CCDC138: variants seen among roughly 807,000 people sequenced by gnomAD.
CCDC138 encodes the protein coiled-coil domain containing 138, also known as coiled-coil domain-containing protein 138.
Under a neutral mutation model 82.3 loss-of-function variants are expected in CCDC138, and 66 were observed. The ratio of observed to expected loss-of-function variants is 0.80; its 90% CI spans 0.66 to 0.98. The LOEUF (loss-of-function observed/expected upper bound fraction) is 0.98, where lower values mean the gene tolerates loss of function less well. Ranked by LOEUF, CCDC138 falls within the 50% of genes least tolerant of loss-of-function variation. The probability of loss-of-function intolerance (pLI) is 0.00; values close to 1 mark genes in which losing one functional copy is unlikely to be tolerated. For missense variants in CCDC138, 816 were observed against 758.9 expected (o/e 1.08, Z -0.88); for synonymous variants, 297 against 265.4 (o/e 1.12, Z -1.16).
At chr2:108,879,818 A>G (rs1484621853), downstream of CCDC138, among the ~76,000 whole-genome samples, 2 of 152,142 alleles carry the variant, frequency 1.3e-5, no homozygotes, top group Non-Finnish European at 2.9e-5. Flanking sequence ...TTTTACCCAT[A>G]TTAGAGTTGT....
chr2:108,812,209 C>T (rs1683977155), intron 7 of CCDC138, among the ~76,000 whole-genome samples: 1 of 151,756 alleles, frequency 6.6e-6, no homozygotes, highest in Admixed American at 6.6e-5. Flanking sequence ...TCAGTTCTTC[C>T]ATATATATAT....
Position 108,846,790 on chromosome 2 carries a change from G to A in CCDC138, c.1376G>A (p.Gly459Glu), listed in dbSNP as rs1690565813. The A allele has an allele frequency of 6.2e-7, 1 of 1,612,536 alleles. No individual in the cohort carries two copies. The highest frequency in any genetic ancestry group is 8.5e-7 in the Non-Finnish European group (1 of 1,178,822). ...AGATTGGGTGAAGACATTTTTAAAGGAGTGGTAACTAAAGGAATTCAGGAT... is the reference window on the plus strand; with the variant it reads ...AGATTGGGTGAAGACATTTTTAAAGAAGTGGTAACTAAAGGAATTCAGGAT... ...LRRLGEDIFK[G>E]VVTKGIQDNS... is the part of the protein sequence containing the mutation. The change falls in exon 12 of 15, where the codon GGA becomes GAA. Residue 459 changes from glycine (G) to glutamate (E), a missense_variant. Coordinates refer to ENST00000295124, the MANE Select transcript of CCDC138 (RefSeq NM_144978.3).
intron 10 of CCDC138, among the ~76,000 whole-genome samples, chr2:108,818,289 A>G (rs904665448): frequency 1.3e-5 from 2 of 152,216 alleles, no homozygotes; most frequent in Non-Finnish European, 2.9e-5. Flanking sequence ...CCTGGGCAAC[A>G]GAGTGAGACC....
chr2:108,881,415 A>G (rs1219212088), downstream of CCDC138, among the ~76,000 whole-genome samples: 8 of 152,336 alleles, frequency 5.3e-5, no homozygotes, highest in East Asian at 1.5e-3. Context: ...TATCAAGACC[A>G]CTAAAACTTT....
chr2:108,848,488 A>T (rs13407967), intron 12 of CCDC138, among the ~76,000 whole-genome samples: 2,813 of 152,328 alleles, frequency 0.018, 99 homozygotes, highest in African/African-American at 0.065. Flanking sequence ...GAATAGGTTG[A>T]TGAAGATTAT....
At chr2:108,794,787 A>G (rs1303179690) in intron 5 of CCDC138, 66 bp downstream of exon 5, 3 of 1,106,112 alleles carry the variant, frequency 2.7e-6, no homozygotes, top group Non-Finnish European at 3.7e-6. Context: ...GCATTTACGA[A>G]ATTTGAATAT....
intron 12 of CCDC138, among the ~76,000 whole-genome samples, chr2:108,854,031 A>G (rs1343950340): frequency 9.4e-6 from 1 of 106,390 alleles, no homozygotes; most frequent in African/African-American, 4.2e-5. Flanking sequence ...AATTTATATT[A>G]TATATAATAT....
chr2:108,816,499 C>T (rs1023362705), intron 10 of CCDC138, among the ~76,000 whole-genome samples: 2 of 151,934 alleles, frequency 1.3e-5, no homozygotes, highest in Non-Finnish European at 2.9e-5. Context: ...CTGATGAGGC[C>T]CTTCTTCCTG....
chr2:108,837,601 A>G (rs1688785193), intron 10 of CCDC138, among the ~76,000 whole-genome samples: 1 of 152,208 alleles, frequency 6.6e-6, no homozygotes, highest in African/African-American at 2.4e-5. Context: ...AGAACACATT[A>G]CTCACATGTT....
At chr2:108,824,745 T>A (rs941175294) in intron 10 of CCDC138, among the ~76,000 whole-genome samples, 44 of 152,330 alleles carry the variant, frequency 2.9e-4, no homozygotes, top group African/African-American at 1.0e-3. Flanking sequence ...TATACTTTTA[T>A]TCTACTGGCA....
intron 9 of CCDC138, among the ~76,000 whole-genome samples, chr2:108,813,432 C>A (rs538545354): frequency 6.6e-6 from 1 of 152,114 alleles, no homozygotes; most frequent in African/African-American, 2.4e-5. Context: ...AATATACTTT[C>A]ATTTGTGAAA....
chr2:108,820,560 G>A (rs932017760), intron 10 of CCDC138, among the ~76,000 whole-genome samples: 1 of 152,040 alleles, frequency 6.6e-6, no homozygotes, highest in Admixed American at 6.6e-5. Context: ...ATTGTCAAAA[G>A]TAAAATACAA....
intron 10 of CCDC138, among the ~76,000 whole-genome samples, chr2:108,824,950 A>C (rs998938929): frequency 1.3e-5 from 2 of 152,220 alleles, no homozygotes; most frequent in African/African-American, 4.8e-5. Context: ...AAGATTAAAA[A>C]TTGGTAAAGA....
chr2:108,872,240 C>A (rs1047793489), intron 13 of CCDC138, among the ~76,000 whole-genome samples: 1 of 152,172 alleles, frequency 6.6e-6, no homozygotes, highest in African/African-American at 2.4e-5. Flanking sequence ...CTCCTCCCCC[C>A]ACCATAGCAT....
chr2:108,786,977 G>A (rs373906763), intron 1 of CCDC138, 62 bp downstream of exon 1: 1 of 1,163,802 alleles, frequency 8.6e-7, no homozygotes, highest in South Asian at 2.0e-5. Flanking sequence ...CCCGCTCCGT[G>A]CCCCGCGCAG....
chr2:108,827,591 C>CA (rs200243895), intron 10 of CCDC138, among the ~76,000 whole-genome samples: 9,040 of 152,012 alleles, frequency 0.059, 315 homozygotes, highest in South Asian at 0.15. Context: ...CCAAGGTGGG[C>CA]GGATCACGAG....
chr2:108,805,645 T>C (rs1682744003), intron 7 of CCDC138, among the ~76,000 whole-genome samples: 1 of 151,804 alleles, frequency 6.6e-6, no homozygotes, highest in South Asian at 2.1e-4. Flanking sequence ...GAGAATGTCG[T>C]GAACCCAGGA....
At chr2:108,839,133 A>T (rs1245686457) in intron 10 of CCDC138, 52 bp from the exon 11 acceptor site, 51 of 1,518,364 alleles carry the variant, frequency 3.4e-5, no homozygotes, top group Non-Finnish European at 4.1e-5. Context: ...TTGATTTAAG[A>T]CATTTAAAAA....
At chr2:108,858,216 C>T (rs911512713) in intron 13 of CCDC138, among the ~76,000 whole-genome samples, 3 of 152,078 alleles carry the variant, frequency 2.0e-5, no homozygotes, top group Non-Finnish European at 2.9e-5. Flanking sequence ...TGGTGGTGTG[C>T]GCCTGTAATG....
Sources: gnomAD v4.1 joint callset for allele counts (sites outside exome capture counted in the v4.1 genomes callset) on GRCh38, gnomAD v4.1.1 for gene constraint, MANE v1.5 for transcripts, NCBI Gene and HGNC (gene_info 2026-07-23, HGNC 2026-07-21) for gene names.